PDE10A: variants seen among roughly 807,000 people sequenced by gnomAD.
The protein encoded by PDE10A is cAMP and cAMP-inhibited cGMP 3',5'-cyclic phosphodiesterase 10A.
In PDE10A, 39 loss-of-function variants were observed where a neutral mutation model predicts 97.7. The observed-to-expected ratio is 0.40, with a 90% CI of 0.31 to 0.52. PDE10A has a LOEUF of 0.52. Among genes scored for constraint, PDE10A ranks in the 20% least tolerant of loss-of-function variants. PDE10A has a pLI of 0.56. For synonymous variants in PDE10A, 371 were observed against 376.8 expected, an observed-to-expected ratio of 0.98 and a Z score of 0.18; for missense variants, 731 against 1,047.8, an observed-to-expected ratio of 0.70 and a Z score of 4.17.
At chr6:165,659,451 T>A (rs943186209) in intron 1 of PDE10A, among the ~76,000 whole-genome samples, 10 of 152,224 alleles carry the variant, frequency 6.6e-5, no homozygotes, top group Non-Finnish European at 1.5e-4. Context: ...CAGTGGCTTG[T>A]CAGGCAGCAA....
chr6:165,463,295 C>T (rs1778435091), intron 3 of PDE10A, among the ~76,000 whole-genome samples: 1 of 152,126 alleles, frequency 6.6e-6, no homozygotes, highest in African/African-American at 2.4e-5. Flanking sequence ...TTTGTGGAAA[C>T]TATTAATAGC....
At position 165,655,093 on chromosome 6, in the gene PDE10A, C is replaced by T. The variant is rs542970610; in HGVS notation, c.865+6854G>A. Among the ~76,000 whole-genome samples, 10 of 152,288 alleles carry T rather than the reference C, an allele frequency of 6.6e-5. No individual in the cohort carries two copies. The highest frequency in any genetic ancestry group is 4.1e-4 in the South Asian group (2 of 4,826). On this transcript the variant is annotated intron_variant, in intron 1 of 21. Transcript: ENST00000539869. This position sits in a 1 kb window ranked among gnomAD's most constrained non-coding sequence, Gnocchi z 4.5. ...AGAATTCCAGCGGGCCGTCCGTTCG[C>T]GTGTCAAACTTCAGCCAGGCACTTA...
At chr6:165,938,690 A>T (rs1783417877) in intron 1 of PDE10A, among the ~76,000 whole-genome samples, 1 of 152,092 alleles carries the variant, frequency 6.6e-6, no homozygotes, top group Non-Finnish European at 1.5e-5. Context: ...CAAGAAATAG[A>T]TTTAAAGAAG....
intron 1 of PDE10A, among the ~76,000 whole-genome samples, chr6:165,867,926 T>C (rs1781103902): frequency 6.6e-6 from 1 of 151,984 alleles, no homozygotes; most frequent in African/African-American, 2.4e-5. Flanking sequence ...TTAACGACCA[T>C]TGGGTCAGTA....
chr6:165,866,032 C>A (rs1455613951), intron 1 of PDE10A, among the ~76,000 whole-genome samples: 1 of 152,080 alleles, frequency 6.6e-6, no homozygotes, highest in East Asian at 1.9e-4. Context: ...AAAGGATATA[C>A]AAACAATCAG....
At chr6:165,737,867 C>T (rs901975731) in intron 1 of PDE10A, among the ~76,000 whole-genome samples, 1 of 152,286 alleles carries the variant, frequency 6.6e-6, no homozygotes, top group Non-Finnish European at 1.5e-5. Flanking sequence ...AAAATTGTCT[C>T]TTTCTACAGA....
At chr6:165,877,252 T>C (rs1001836453) in intron 1 of PDE10A, among the ~76,000 whole-genome samples, 1 of 152,226 alleles carries the variant, frequency 6.6e-6, no homozygotes, top group Non-Finnish European at 1.5e-5. Flanking sequence ...TTTGCTCTCG[T>C]GATAAATTCC....
At chr6:165,665,268 T>G (rs139341853), upstream of PDE10A, among the ~76,000 whole-genome samples, 449 of 152,380 alleles carry the variant, frequency 2.9e-3, 3 homozygotes, top group Admixed American at 0.02. Flanking sequence ...TCATGAACTT[T>G]GCTTAGGTGA....
At chr6:165,667,064 AG>A (rs1377718338), upstream of PDE10A, among the ~76,000 whole-genome samples, 1 of 152,250 alleles carries the variant, frequency 6.6e-6, no homozygotes, top group Admixed American at 6.5e-5. Flanking sequence ...CTAAAATAAA[AG>A]GCCATTATAA....
intron 13 of PDE10A, among the ~76,000 whole-genome samples, chr6:165,399,498 T>C (rs1046089550): frequency 1.3e-5 from 2 of 152,206 alleles, no homozygotes; most frequent in Admixed American, 6.5e-5. Flanking sequence ...TTGTTACATA[T>C]GTATACATGT....
At chr6:165,562,870 TA>T (rs957293557) in intron 1 of PDE10A, among the ~76,000 whole-genome samples, 23 of 151,932 alleles carry the variant, frequency 1.5e-4, no homozygotes, top group African/African-American at 5.6e-4. Flanking sequence ...TTGGTTGTCA[TA>T]AGAGGAAGGG....
intron 5 of PDE10A, among the ~76,000 whole-genome samples, chr6:165,435,821 A>T (rs1398750385): frequency 6.6e-6 from 1 of 152,136 alleles, no homozygotes; most frequent in Admixed American, 6.5e-5. Context: ...TTTCATTAGA[A>T]ATCTTCCCTT....
At chr6:165,973,413 CA>C (rs753759553) in intron 1 of PDE10A, among the ~76,000 whole-genome samples, 3,086 of 97,350 alleles carry the variant, frequency 0.032, 101 homozygotes, top group African/African-American at 0.1. Context: ...AATTCCGCCT[CA>C]AAAAAAAAAA....
At chr6:165,354,821 T>C (rs1053769480) in intron 18 of PDE10A, among the ~76,000 whole-genome samples, 1 of 152,180 alleles carries the variant, frequency 6.6e-6, no homozygotes, top group Admixed American at 6.5e-5. Flanking sequence ...AAGGCATTTC[T>C]ACGCTGGTGG....
chr6:165,750,930 A>C (rs1295477524), intron 1 of PDE10A, among the ~76,000 whole-genome samples: 3 of 152,158 alleles, frequency 2.0e-5, no homozygotes, highest in Admixed American at 2.0e-4. Flanking sequence ...TGTTGGCAGG[A>C]GCGGGATGCT....
intron 18 of PDE10A, among the ~76,000 whole-genome samples, chr6:165,354,437 T>C (rs1782896180): frequency 6.6e-6 from 1 of 152,050 alleles, no homozygotes; most frequent in Admixed American, 6.6e-5. Context: ...ACATGAATTG[T>C]CCAAACAAGA....
intron 1 of PDE10A, among the ~76,000 whole-genome samples, chr6:165,826,532 T>C (rs1428689620): frequency 1.3e-5 from 2 of 152,040 alleles, no homozygotes; most frequent in East Asian, 3.8e-4. Context: ...TCTGCCCCTG[T>C]GTCCCTCTGT....
chr6:165,884,669 T>C (rs1007551250), intron 1 of PDE10A, among the ~76,000 whole-genome samples: 2 of 152,228 alleles, frequency 1.3e-5, no homozygotes, highest in Admixed American at 1.3e-4. Context: ...AATCCTGATA[T>C]GACTGAAATG....
intron 2 of PDE10A, among the ~76,000 whole-genome samples, chr6:165,514,694 A>C (rs1247469799): frequency 6.6e-6 from 1 of 152,232 alleles, no homozygotes; most frequent in African/African-American, 2.4e-5. Flanking sequence ...TTATGACTCC[A>C]AGTTGAGTGA....
Sources: allele counts gnomAD v4.1 joint callset (sites outside exome capture counted in the v4.1 genomes callset), GRCh38; gene constraint gnomAD v4.1.1; non-coding constraint Gnocchi (gnomAD v3.1); transcripts MANE v1.5; gene names NCBI Gene and HGNC (gene_info 2026-07-23, HGNC 2026-07-21).